The following PPP1R13B variants were observed in gnomAD, a reference collection of about 807,000 sequenced individuals.
PPP1R13B encodes the protein protein phosphatase 1 regulatory subunit 13B, also known as apoptosis-stimulating of p53 protein 1.
A neutral mutation model predicts 119.8 loss-of-function variants in PPP1R13B; 44 were observed. The observed-to-expected ratio is 0.37, with a 90% CI of 0.29 to 0.47. PPP1R13B has a LOEUF of 0.47. PPP1R13B is among the 20% of genes least tolerant of loss of function. The pLI, the probability that PPP1R13B is intolerant of heterozygous loss-of-function variation, is 0.99. For missense variants in PPP1R13B, 1,227 were observed against 1,413.5 expected (o/e 0.87, Z 2.12); for synonymous variants, 542 against 561.5 (o/e 0.97, Z 0.49).
chr14:103,832,340 T>C (rs2086680701), intron 1 of PPP1R13B, among the ~76,000 whole-genome samples: 2 of 152,158 alleles, frequency 1.3e-5, no homozygotes, highest in African/African-American at 2.4e-5. Flanking sequence ...CTTGAAGCTA[T>C]ACCTCTGTAT....
intron 7 of PPP1R13B, among the ~76,000 whole-genome samples, 156 bp downstream of exon 7, chr14:103,752,844 A>G (rs981773239): frequency 3.3e-5 from 5 of 152,170 alleles, no homozygotes; most frequent in Non-Finnish European, 7.4e-5. Flanking sequence ...ATCCCAAGTC[A>G]TTTAAAAAAT....
At position 103,811,165 on chromosome 14, in the gene PPP1R13B, T is replaced by C. The variant is rs1248966549; in HGVS notation, c.10-13647A>G. ...GAAATAATGGTTGCTTTACTAATGT[T>C]GATCACGTGAATATTATGGAAGCAG... On this transcript the variant is annotated intron_variant, in intron 1 of 16. Transcript: ENST00000202556. Among the ~76,000 whole-genome samples, 4 of 151,384 alleles carry C rather than the reference T, an allele frequency of 2.6e-5. No individual in the cohort carries two copies. The Middle Eastern group carries it at 0.014, about 529-fold the overall frequency.
chr14:103,785,320 G>C (rs763960661), intron 2 of PPP1R13B, among the ~76,000 whole-genome samples: 1 of 152,132 alleles, frequency 6.6e-6, no homozygotes, highest in Non-Finnish European at 1.5e-5. Context: ...CTGGGTTCAA[G>C]AGATGCTCCT....
chr14:103,803,558 C>G (rs1025177050), intron 1 of PPP1R13B, among the ~76,000 whole-genome samples: 4 of 152,044 alleles, frequency 2.6e-5, no homozygotes, highest in African/African-American at 7.2e-5. Context: ...CAGGAGAATG[C>G]TGTGAACCCG....
upstream of PPP1R13B, chr14:103,848,590 G>A: frequency 2.7e-6 from 2 of 748,754 alleles, no homozygotes; most frequent in Non-Finnish European, 3.3e-6. Flanking sequence ...TCTGCGGATG[G>A]CCCCAGACAC....
intron 1 of PPP1R13B, among the ~76,000 whole-genome samples, chr14:103,832,587 G>A (rs953630295): frequency 6.6e-6 from 1 of 152,178 alleles, no homozygotes; most frequent in Non-Finnish European, 1.5e-5. Context: ...CTTGACTATT[G>A]TAAGGGACTA....
rs2084226508 is a variant in PPP1R13B, at chr14:103,740,436, G to A, written c.1980C>T (p.Gly660=). The A allele has an allele frequency of 6.2e-7, 1 of 1,604,330 alleles. No individual in the cohort carries two copies. The part of the protein sequence containing the change: ...EQDGPAAPAD[G]STVESLPRPL... ...GCCGTGGCAGGCTCTCCACGGTGCT[G>A]CCATCTGCGGGGGCGGCGGGGCCAT... The change falls in exon 12 of 17, where the codon GGC becomes GGT. Residue 660 remains glycine (G), a synonymous_variant. Transcript: ENST00000202556. This position sits in a 1 kb window ranked among gnomAD's most constrained non-coding sequence, Gnocchi z 4.6.
intron 9 of PPP1R13B, among the ~76,000 whole-genome samples, chr14:103,744,386 C>G (rs919921340): frequency 3.3e-5 from 5 of 152,200 alleles, no homozygotes; most frequent in Non-Finnish European, 5.9e-5. Flanking sequence ...ACGCCAGCAT[C>G]TGTCCCTTGG....
intron 1 of PPP1R13B, among the ~76,000 whole-genome samples, chr14:103,820,214 C>A (rs1468390550): frequency 6.6e-6 from 1 of 152,196 alleles, no homozygotes; most frequent in Non-Finnish European, 1.5e-5. Context: ...TCTCACCACC[C>A]CACCAGGTCC....
At chr14:103,751,840 A>T (rs1232791570) in intron 7 of PPP1R13B, among the ~76,000 whole-genome samples, 1 of 152,236 alleles carries the variant, frequency 6.6e-6, no homozygotes, top group Non-Finnish European at 1.5e-5. Context: ...CCAGCCTATG[A>T]TATTTTGTTA....
chr14:103,789,224 T>G (rs2085548731), intron 2 of PPP1R13B, among the ~76,000 whole-genome samples: 1 of 150,308 alleles, frequency 6.7e-6, no homozygotes, highest in Admixed American at 6.6e-5. Context: ...TTTTTGCAAT[T>G]TTTTTTTTGG....
intron 1 of PPP1R13B, among the ~76,000 whole-genome samples, chr14:103,822,895 G>A (rs143741119): frequency 2.6e-5 from 4 of 152,174 alleles, no homozygotes; most frequent in Non-Finnish European, 5.9e-5. Flanking sequence ...GCAAATGAAT[G>A]AGGTAGGTCA....
intron 14 of PPP1R13B, 96 bp from the exon 15 acceptor site, chr14:103,737,956 C>T (rs886360170): frequency 4.4e-6 from 6 of 1,355,192 alleles, no homozygotes; most frequent in Non-Finnish European, 4.9e-6. Context: ...TCGCGGAAGG[C>T]GTTCACCTTT....
Position 103,742,826 on chromosome 14 carries a change from T to C in PPP1R13B, c.1151-3A>G. The C allele has an allele frequency of 6.2e-7, 1 of 1,613,918 alleles. No individual in the cohort carries two copies. The highest frequency in any genetic ancestry group is 8.5e-7 in the Non-Finnish European group (1 of 1,179,978). On this transcript the variant is annotated splice_polypyrimidine_tract_variant and splice_region_variant and intron_variant, in intron 9 of 16. Coordinates refer to ENST00000202556, the MANE Select transcript of PPP1R13B (RefSeq NM_015316.3). The surrounding 1 kb of genome is among the most constrained non-coding windows in gnomAD (Gnocchi z 4.9). ...TGTTGGCCAGTTTCCATCATTAGCT[T>C]GAAAAGAACACAGAACTTACGTAAA...
At chr14:103,749,699 G>T in intron 8 of PPP1R13B, 95 bp downstream of exon 8, 1 of 1,247,230 alleles carries the variant, frequency 8.0e-7, no homozygotes, top group Non-Finnish European at 1.1e-6. Context: ...TATCAGTTAT[G>T]GTGGATGGGG....
At chr14:103,803,072 A>T (rs990673368) in intron 1 of PPP1R13B, among the ~76,000 whole-genome samples, 1 of 152,162 alleles carries the variant, frequency 6.6e-6, no homozygotes, top group East Asian at 1.9e-4. Context: ...TGTGACTGCT[A>T]ATGTTATTCT....
chr14:103,806,036 A>G (rs1034963369), intron 1 of PPP1R13B, among the ~76,000 whole-genome samples: 13 of 152,360 alleles, frequency 8.5e-5, no homozygotes, highest in Middle Eastern at 3.4e-3. Flanking sequence ...TTATAACACA[A>G]TGAAGCTGTT....
chr14:103,777,542 G>A (rs868825858), intron 4 of PPP1R13B, among the ~76,000 whole-genome samples: 13 of 152,066 alleles, frequency 8.5e-5, no homozygotes, highest in African/African-American at 2.4e-4. Flanking sequence ...CTGTGTTTAC[G>A]TGCACAGAGG....
At chr14:103,797,090 A>C (rs34066659) in intron 2 of PPP1R13B, among the ~76,000 whole-genome samples, 63,156 of 144,570 alleles carry the variant, frequency 0.44, 14,462 homozygotes, top group African/African-American at 0.55. Context: ...AGAGTGAGAT[A>C]CTGTCTCAAA....
Sources: allele counts gnomAD v4.1 joint callset (sites outside exome capture counted in the v4.1 genomes callset), GRCh38; gene constraint gnomAD v4.1.1; non-coding constraint Gnocchi (gnomAD v3.1); transcripts MANE v1.5; gene names NCBI Gene and HGNC (gene_info 2026-07-23, HGNC 2026-07-21).